The following NRG1 variants were observed in gnomAD, a reference collection of about 807,000 sequenced individuals.
NRG1 encodes the protein neuregulin 1.
Under a neutral mutation model 63.8 loss-of-function variants are expected in NRG1, and 18 were observed. The observed-to-expected ratio is 0.28, with a 90% CI of 0.19 to 0.42. The LOEUF (loss-of-function observed/expected upper bound fraction) is 0.42, where lower values mean the gene tolerates loss of function less well. NRG1 is among the 10% of genes least tolerant of loss of function. The pLI is 1.00. For missense variants in NRG1, 762 were observed against 814.7 expected (o/e 0.94, Z 0.79); for synonymous variants, 302 against 301.3 (o/e 1.00, Z -0.02).
intron 1 of NRG1, among the ~76,000 whole-genome samples, chr8:32,195,499 T>C (rs1842873655): frequency 6.6e-6 from 1 of 151,800 alleles, no homozygotes; most frequent in African/African-American, 2.4e-5. Flanking sequence ...AAGCTCATGG[T>C]TCTGGCTCTT....
intron 1 of NRG1, among the ~76,000 whole-genome samples, chr8:32,092,349 C>T (rs1238780831): frequency 6.7e-6 from 1 of 148,572 alleles, no homozygotes; most frequent in African/African-American, 2.5e-5. Flanking sequence ...AACAGCTGCT[C>T]AAGAGGCTGA....
intron 1 of NRG1, among the ~76,000 whole-genome samples, chr8:31,764,459 A>T (rs1176054865): frequency 2.6e-5 from 4 of 152,142 alleles, no homozygotes; most frequent in African/African-American, 9.7e-5. Flanking sequence ...TGATTTCAAG[A>T]TTGTTATATA....
At chr8:31,639,296 C>G (rs983738274) in exon 1 of NRG1, 16 of 1,442,354 alleles carry the variant, frequency 1.1e-5, no homozygotes, top group African/African-American at 1.4e-5. Context: ...GCCCGTCCTC[C>G]CATTGCAGCA....
intron 3 of NRG1, among the ~76,000 whole-genome samples, chr8:32,614,020 T>C (rs956534839): frequency 3.1e-4 from 47 of 152,230 alleles, no homozygotes; most frequent in African/African-American, 1.1e-3. Flanking sequence ...GTCTTCATTC[T>C]CACTGGCAAT....
chr8:32,171,572 A>C (rs2132011018), intron 1 of NRG1: 1 of 152,496 alleles, frequency 6.6e-6, no homozygotes, highest in South Asian at 2.1e-4. Flanking sequence ...GGAAGTGCAA[A>C]GCGTCAGGGA....
At chr8:32,307,662 A>G (rs184956469) in intron 1 of NRG1, among the ~76,000 whole-genome samples, 4 of 151,518 alleles carry the variant, frequency 2.6e-5, no homozygotes, top group Admixed American at 1.3e-4. Context: ...AGAATGGTCA[A>G]CCAGTTGACT....
intron 1 of NRG1, among the ~76,000 whole-genome samples, chr8:32,558,743 G>T (rs1660577630): frequency 6.6e-6 from 1 of 152,114 alleles, no homozygotes; most frequent in Admixed American, 6.5e-5. Context: ...ATCCACAGCT[G>T]GATGGCATAG....
intron 1 of NRG1, among the ~76,000 whole-genome samples, chr8:32,021,821 T>C (rs897413898): frequency 5.3e-5 from 8 of 152,222 alleles, no homozygotes; most frequent in Non-Finnish European, 1.2e-4. Context: ...TTCATTGGTA[T>C]TATTTTCATT....
intron 1 of NRG1, among the ~76,000 whole-genome samples, chr8:31,913,947 G>A (rs901124468): frequency 2.6e-5 from 4 of 152,178 alleles, no homozygotes; most frequent in Non-Finnish European, 5.9e-5. Context: ...TCTACAGGAT[G>A]CTTTCATTTA....
At chr8:32,307,303 G>A (rs1406505921) in intron 1 of NRG1, among the ~76,000 whole-genome samples, 1 of 152,106 alleles carries the variant, frequency 6.6e-6, no homozygotes, top group African/African-American at 2.4e-5. Context: ...ATTAGACATG[G>A]GAAAAGGGTG....
chr8:31,885,249 G>A (rs1830631006), intron 1 of NRG1, among the ~76,000 whole-genome samples: 1 of 152,062 alleles, frequency 6.6e-6, no homozygotes, highest in East Asian at 1.9e-4. Context: ...ATTTTTGGAT[G>A]TATCAGAAGG....
At chr8:32,270,189 G>A (rs946364301) in intron 1 of NRG1, among the ~76,000 whole-genome samples, 20 of 152,160 alleles carry the variant, frequency 1.3e-4, no homozygotes, top group Non-Finnish European at 1.9e-4. Flanking sequence ...TACATTTAAA[G>A]TAATGAGACG....
At chr8:32,302,965 T>C (rs1289598269) in intron 1 of NRG1, among the ~76,000 whole-genome samples, 1 of 152,086 alleles carries the variant, frequency 6.6e-6, no homozygotes, top group Admixed American at 6.6e-5. Flanking sequence ...GCGGATCACC[T>C]GAGGTCAGGA....
At chr8:32,755,579 A>G (rs1589612980) in intron 8 of NRG1, among the ~76,000 whole-genome samples, 1 of 152,182 alleles carries the variant, frequency 6.6e-6, no homozygotes, top group East Asian at 1.9e-4. Context: ...GAGTAGGAAC[A>G]TGTTACGATT....
At chr8:32,667,444 G>A (rs1247962691) in intron 5 of NRG1, among the ~76,000 whole-genome samples, 1 of 152,034 alleles carries the variant, frequency 6.6e-6, no homozygotes, top group Non-Finnish European at 1.5e-5. Context: ...TTCTAATTAT[G>A]TTTTGTTCAT....
chr8:31,684,889 G>A (rs1281732849), intron 1 of NRG1, among the ~76,000 whole-genome samples: 3 of 151,944 alleles, frequency 2.0e-5, no homozygotes, highest in African/African-American at 4.8e-5. Flanking sequence ...GAGAATCAAT[G>A]GAATCAATTT....
At chr8:32,673,084 G>A (rs192224542) in intron 5 of NRG1, among the ~76,000 whole-genome samples, 31 of 152,286 alleles carry the variant, frequency 2.0e-4, no homozygotes, top group Non-Finnish European at 3.1e-4. Context: ...ACAAACCAAA[G>A]CCAAAAACAT....
At chr8:32,686,208 A>C (rs898271468) in intron 5 of NRG1, among the ~76,000 whole-genome samples, 14 of 152,180 alleles carry the variant, frequency 9.2e-5, no homozygotes, top group Non-Finnish European at 1.9e-4. Flanking sequence ...TCTTTCCATA[A>C]GAAGACAAAA....
At chr8:32,411,307 G>A (rs183816550) in intron 1 of NRG1, among the ~76,000 whole-genome samples, 200 of 152,266 alleles carry the variant, frequency 1.3e-3, no homozygotes, top group Admixed American at 1.8e-3. Flanking sequence ...GGCCCTTCTC[G>A]AGTTATGGAG....
Sources: allele counts gnomAD v4.1 joint callset (sites outside exome capture counted in the v4.1 genomes callset), GRCh38; gene constraint gnomAD v4.1.1; transcripts MANE v1.5; gene names NCBI Gene and HGNC (gene_info 2026-07-23, HGNC 2026-07-21).